Variants in KCNIP4 observed in about 807,000 individuals in gnomAD.
KCNIP4 encodes potassium voltage-gated channel interacting protein 4.
In KCNIP4, 12 loss-of-function variants were observed where a neutral mutation model predicts 34.0. The observed-to-expected ratio is 0.35, with a 90% CI of 0.23 to 0.57. The LOEUF (loss-of-function observed/expected upper bound fraction) is 0.57, where lower values mean the gene tolerates loss of function less well. Ranked by LOEUF, KCNIP4 falls within the 20% of genes least tolerant of loss-of-function variation. The probability of loss-of-function intolerance (pLI) is 0.83; values close to 1 mark genes in which losing one functional copy is unlikely to be tolerated. For synonymous variants in KCNIP4, 124 were observed against 102.2 expected (o/e 1.21, Z -1.29); for missense variants, 238 against 311.7 (o/e 0.76, Z 1.78).
chr4:21,309,256 G>A, intron 1 of KCNIP4, among the ~76,000 whole-genome samples: 1 of 152,152 alleles, frequency 6.6e-6, no homozygotes, highest in East Asian at 1.9e-4. Context: ...TTTCACCACA[G>A]AGTCCCAGTG....
intron 1 of KCNIP4, among the ~76,000 whole-genome samples, chr4:21,933,267 T>C (rs1438612277): frequency 2.0e-5 from 3 of 152,002 alleles, no homozygotes; most frequent in South Asian, 2.1e-4. Flanking sequence ...TCACTTCTCA[T>C]TGCTCTTAAA....
intron 3 of KCNIP4, among the ~76,000 whole-genome samples, chr4:20,823,794 G>A (rs1717396529): frequency 6.6e-6 from 1 of 152,320 alleles, no homozygotes; most frequent in African/African-American, 2.4e-5. Context: ...ATGGAGTGTA[G>A]TGAATGGACT....
intron 3 of KCNIP4, among the ~76,000 whole-genome samples, chr4:20,779,730 GACAT>G (rs1437435529): frequency 1.2e-4 from 19 of 152,092 alleles, no homozygotes; most frequent in Admixed American, 6.6e-4. Context: ...AGAGAGATGT[GACAT>G]ACATACAGAG....
chr4:20,801,010 C>A (rs1403469761), intron 3 of KCNIP4, among the ~76,000 whole-genome samples: 1 of 151,902 alleles, frequency 6.6e-6, no homozygotes, highest in Non-Finnish European at 1.5e-5. Context: ...AACTTAAAGA[C>A]AAAGAATTTT....
At chr4:21,292,207 G>A (rs906699523) in intron 1 of KCNIP4, among the ~76,000 whole-genome samples, 5 of 152,090 alleles carry the variant, frequency 3.3e-5, no homozygotes, top group African/African-American at 1.2e-4. Flanking sequence ...GTACAAAATT[G>A]CAGTCAAACC....
At chr4:21,127,534 C>T (rs1240398275) in intron 1 of KCNIP4, among the ~76,000 whole-genome samples, 1 of 152,188 alleles carries the variant, frequency 6.6e-6, no homozygotes, top group Non-Finnish European at 1.5e-5. Context: ...TCTCCCCAAC[C>T]TCCTCCACCC....
intron 1 of KCNIP4, among the ~76,000 whole-genome samples, chr4:21,390,813 C>A (rs544335776): frequency 1.3e-5 from 2 of 151,712 alleles, no homozygotes; most frequent in African/African-American, 4.8e-5. Flanking sequence ...TATGAACATA[C>A]CTTGTGTATA....
At chr4:20,920,544 A>T (rs931651928) in intron 1 of KCNIP4, among the ~76,000 whole-genome samples, 6 of 152,186 alleles carry the variant, frequency 3.9e-5, no homozygotes, top group African/African-American at 1.4e-4. Context: ...TAACTGGGGC[A>T]AAAGATACAC....
chr4:21,076,667 T>C (rs1745513878), intron 1 of KCNIP4, among the ~76,000 whole-genome samples: 1 of 152,130 alleles, frequency 6.6e-6, no homozygotes, highest in Non-Finnish European at 1.5e-5. Context: ...GTTAATTATC[T>C]GAAATGATGA....
chr4:21,418,756 T>C (rs895042315), intron 1 of KCNIP4, among the ~76,000 whole-genome samples: 4 of 152,126 alleles, frequency 2.6e-5, no homozygotes, highest in Non-Finnish European at 4.4e-5. Flanking sequence ...TTTTGGACAG[T>C]TGGGGCCATT....
chr4:21,553,285 G>A (rs907363020), intron 1 of KCNIP4, among the ~76,000 whole-genome samples: 81 of 152,244 alleles, frequency 5.3e-4, no homozygotes, highest in African/African-American at 1.6e-3. Context: ...CACTAGGTTT[G>A]TGTTAATCTC....
intron 1 of KCNIP4, among the ~76,000 whole-genome samples, chr4:20,932,279 A>G (rs1209155988): frequency 2.8e-4 from 24 of 85,376 alleles, no homozygotes; most frequent in African/African-American, 1.3e-3. Flanking sequence ...ATAATAGTCT[A>G]TAACAGTCTA....
rs148717316 is a variant in KCNIP4 at position 20,802,244 on chromosome 4, A to G, written c.289-43354T>C. Among the ~76,000 whole-genome samples, 183 of 146,494 alleles carry G rather than the reference A, an allele frequency of 1.2e-3. 5 individuals carry two copies. The highest frequency in any genetic ancestry group is 4.4e-3 in the African/African-American group (176 of 40,438). ...GCTATACATATGCTACATATATGCT[A>G]TATATATGCTACATATATGCTATAT... On this transcript the variant is annotated intron_variant, in intron 3 of 8. Coordinates refer to ENST00000382152, the MANE Select transcript of KCNIP4 (RefSeq NM_025221.6).
intron 1 of KCNIP4, among the ~76,000 whole-genome samples, chr4:20,888,508 G>C (rs1466870750): frequency 2.0e-5 from 3 of 152,142 alleles, no homozygotes; most frequent in African/African-American, 7.2e-5. Flanking sequence ...GGATGATACT[G>C]ACAGAATGAG....
intron 1 of KCNIP4, among the ~76,000 whole-genome samples, chr4:21,720,190 C>G (rs568782688): frequency 1.6e-4 from 25 of 152,238 alleles, no homozygotes; most frequent in African/African-American, 5.5e-4. Context: ...CTCCACTTCT[C>G]TCTTACCCTC....
Position 21,738,508 on chromosome 4 carries a change from T to C in KCNIP4, c.61+210063A>G, listed in dbSNP as rs572602476. On this transcript the variant is annotated intron_variant, in intron 1 of 8. Coordinates refer to ENST00000382152, the MANE Select transcript of KCNIP4 (RefSeq NM_025221.6). ...CAAAACCTTTAATTCCTAGAAAGCATCACAGTATGAATTTCAGAACATTGC... is the reference window on the plus strand; with the variant it reads ...CAAAACCTTTAATTCCTAGAAAGCACCACAGTATGAATTTCAGAACATTGC... 7.2e-5 allele frequency among the ~76,000 whole-genome samples: 11 copies of C among 152,324 alleles called. No homozygotes were observed. The East Asian group carries it at 2.1e-3, about 29-fold the overall frequency.
At chr4:21,483,402 G>A (rs959969723) in intron 1 of KCNIP4, among the ~76,000 whole-genome samples, 31 of 152,054 alleles carry the variant, frequency 2.0e-4, no homozygotes, top group African/African-American at 7.2e-4. Context: ...GGGCCTGGTG[G>A]GAGGTGATTG....
chr4:21,938,636 CTG>C (rs1341485914), intron 1 of KCNIP4, among the ~76,000 whole-genome samples: 2 of 152,140 alleles, frequency 1.3e-5, no homozygotes, highest in African/African-American at 4.8e-5. Flanking sequence ...GATAGATTTA[CTG>C]TGTGTTCCTT....
chr4:21,452,239 C>T (rs1412677057), intron 1 of KCNIP4, among the ~76,000 whole-genome samples: 1 of 152,096 alleles, frequency 6.6e-6, no homozygotes, highest in Non-Finnish European at 1.5e-5. Context: ...GTAAATTCTA[C>T]ACATCACTTT....
Sources: allele counts gnomAD v4.1 joint callset (sites outside exome capture counted in the v4.1 genomes callset), GRCh38; gene constraint gnomAD v4.1.1; transcripts MANE v1.5; gene names NCBI Gene and HGNC (gene_info 2026-07-23, HGNC 2026-07-21).